Variants in PARD6B observed in about 807,000 individuals in gnomAD.
PARD6B encodes the protein par-6 family cell polarity regulator beta.
Under a neutral mutation model 10.5 loss-of-function variants are expected in PARD6B, and 4 were observed. The ratio of observed to expected loss-of-function variants is 0.38; its 90% CI spans 0.19 to 0.87. The LOEUF (loss-of-function observed/expected upper bound fraction) is 0.87. Ranked by LOEUF, PARD6B falls within the 40% of genes least tolerant of loss-of-function variation. PARD6B has a pLI of 0.41. For missense variants in PARD6B, 396 were observed against 470.6 expected (o/e 0.84, Z 1.47); for synonymous variants, 169 against 170.4 (o/e 0.99, Z 0.07).
Position 50,750,251 on chromosome 20 carries a change from T to C in PARD6B, c.882T>C (p.Asp294=). 1.2e-6 allele frequency: 2 copies of C among 1,614,184 alleles called. No homozygotes were observed. The highest frequency in any genetic ancestry group is 1.7e-6 in the Non-Finnish European group (2 of 1,180,038). ...FEPEDEDSEE[D]DIIIEDNGVP... ...CAGAGGATGAAGACAGCGAAGAAGA[T>C]GACATTATCATTGAAGACAATGGAG... Residue 294 remains aspartate (D), a synonymous_variant, in exon 3 of 3, where the codon GAT becomes GAC. Coordinates refer to ENST00000371610, the MANE Select transcript of PARD6B (RefSeq NM_032521.3).
chr20:50,743,936 C>T (rs2123704670), intron 2 of PARD6B, among the ~76,000 whole-genome samples: 1 of 151,060 alleles, frequency 6.6e-6, no homozygotes, highest in East Asian at 1.9e-4. Flanking sequence ...CAGTATGTGA[C>T]ACCAGTTACT....
chr20:50,746,041 G>A (rs1043292972), intron 2 of PARD6B, among the ~76,000 whole-genome samples: 1 of 151,968 alleles, frequency 6.6e-6, no homozygotes, highest in Non-Finnish European at 1.5e-5. Context: ...TACTGTATGG[G>A]GATACTGATG....
intron 2 of PARD6B, among the ~76,000 whole-genome samples, chr20:50,741,838 G>A (rs573724859): frequency 4.6e-5 from 7 of 152,044 alleles, no homozygotes; most frequent in Non-Finnish European, 7.4e-5. Flanking sequence ...GAGCCACCGC[G>A]CCCGGCCGCA....
At position 50,752,382 on chromosome 20, in the gene PARD6B, C is replaced by T. The variant is rs6096081; in HGVS notation, c.*1894C>T. The T allele has an allele frequency of 2.0e-6, 2 of 985,400 alleles. No individual in the cohort carries two copies. Among genetic ancestry groups the T allele is most frequent in the African/African-American group, 1.8e-5 (1 of 57,126 alleles). 61.0% of individuals were successfully genotyped at this position (985,400 alleles called of 1,614,324 possible). A position where few individuals can be genotyped will look rare whatever the true frequency, so the allele number is the denominator to read the frequency against. On this transcript the variant is annotated 3_prime_UTR_variant, in exon 3 of 3. Coordinates refer to ENST00000371610, the MANE Select transcript of PARD6B (RefSeq NM_032521.3). ...TTCATGGGATTTCTAGAAACACTGC[C>T]TACACTTTATGAAAACTACATAGTA... is the stretch of plus-strand genomic sequence containing the variant.
intron 2 of PARD6B, among the ~76,000 whole-genome samples, chr20:50,746,117 C>G (rs771147472): frequency 6.0e-5 from 9 of 149,008 alleles, no homozygotes; most frequent in Non-Finnish European, 1.2e-4. Context: ...GCTTTTATGT[C>G]TTACATCTGC....
At chr20:50,738,993 T>C (rs1273106335) in intron 2 of PARD6B, among the ~76,000 whole-genome samples, 1 of 151,222 alleles carries the variant, frequency 6.6e-6, no homozygotes, top group African/African-American at 2.4e-5. Flanking sequence ...TGTGTATGTA[T>C]GTGTGTCTGC....
rs1303195229 is a variant in PARD6B, at chr20:50,751,390, C to T, written c.*902C>T. On this transcript the variant is annotated 3_prime_UTR_variant, in exon 3 of 3. Coordinates refer to ENST00000371610, the MANE Select transcript of PARD6B (RefSeq NM_032521.3). ...TTTTTTTTTGAGATGGAGTCTCGCT[C>T]TATCGCCCAGGCTGGAGTGCAGTGG... 1.2e-6 allele frequency: 1 copy of T among 829,582 alleles called. No homozygotes were observed. Among genetic ancestry groups the T allele is most frequent in the Non-Finnish European group, 1.4e-6 (1 of 717,530 alleles). 51.4% of individuals were successfully genotyped at this position (829,582 alleles called of 1,614,324 possible). A position where few individuals can be genotyped will look rare whatever the true frequency, so the allele number is the denominator to read the frequency against.
rs1232827863 is a variant in PARD6B, at chr20:50,750,905, T to C, written c.*417T>C. The C allele has an allele frequency of 1.0e-5, 10 of 983,512 alleles. No homozygotes were observed. The South Asian group carries it at 4.2e-4, about 41-fold the overall frequency. 60.9% of individuals were successfully genotyped at this position (983,512 alleles called of 1,614,324 possible). ...AAGTCTGATTCTCTCTTGTGGTACA[T>C]TGGGGACCTCAGCTCTTAAAGGTCT... On this transcript the variant is annotated 3_prime_UTR_variant, in exon 3 of 3. Coordinates refer to ENST00000371610, the MANE Select transcript of PARD6B (RefSeq NM_032521.3).
Position 50,750,948 on chromosome 20 carries a change from ATTTTGATTTTTTTTTTTTTTTT to A in PARD6B, c.*465_*486del. ...AAAGGTCTCATGTTCCCAATATTTT[ATTTTGATTTTTTTTTTTTTTTT>A]TTTTTTTTTTTTTTTTAGTGACTGG... is the stretch of plus-strand genomic sequence containing the variant. On this transcript the variant is annotated 3_prime_UTR_variant, in exon 3 of 3. Transcript: ENST00000371610. 1 of 315,508 alleles carries A rather than the reference ATTTTGATTTTTTTTTTTTTTTT, an allele frequency of 3.2e-6. No individual in the cohort carries two copies. Among genetic ancestry groups the A allele is most frequent in the Non-Finnish European group, 3.8e-6 (1 of 265,892 alleles). The allele number at this position is 315,508 out of a possible 1,614,324, so 19.5% of individuals were successfully genotyped here.
chr20:50,732,066 A>G (rs2087474558), intron 1 of PARD6B, among the ~76,000 whole-genome samples: 1 of 152,266 alleles, frequency 6.6e-6, no homozygotes, highest in Admixed American at 6.5e-5. Flanking sequence ...GGCAGGAAGA[A>G]GACCTAGTCC....
rs1196460991 is a variant in PARD6B, at chr20:50,750,730, T to G, written c.*242T>G. 4 of 1,278,550 alleles carry G rather than the reference T, an allele frequency of 3.1e-6. No individual in the cohort carries two copies. Among genetic ancestry groups the G allele is most frequent in the Non-Finnish European group, 4.0e-6 (4 of 1,010,120 alleles). The allele number at this position is 1,278,550 out of a possible 1,614,324, so 79.2% of individuals were successfully genotyped here. A position where few individuals can be genotyped will look rare whatever the true frequency, so the allele number is the denominator to read the frequency against. On this transcript the variant is annotated 3_prime_UTR_variant, in exon 3 of 3. Coordinates refer to ENST00000371610, the MANE Select transcript of PARD6B (RefSeq NM_032521.3). ...CTGATGAAGTTACGTGCTTTTGCTG[T>G]TTTGTCTGTGGAGAATCAGATGTTA... is the stretch of plus-strand genomic sequence containing the variant.
Position 50,750,110 on chromosome 20 carries a change from A to C in PARD6B, c.741A>C (p.Arg247Ser). The C allele has an allele frequency of 6.2e-7, 1 of 1,614,218 alleles. No homozygotes were observed. The highest frequency in any genetic ancestry group is 1.1e-5 in the South Asian group (1 of 91,088). Reference protein sequence around the residue: ...ANSRNLIITVRPANQRNNVVR... With the variant: ...ANSRNLIITVSPANQRNNVVR... ...GCCGTAACCTCATCATAACAGTGAG[A>C]CCGGCAAACCAGAGGAATAATGTTG... Residue 247 changes from arginine (R) to serine (S), a missense_variant, in exon 3 of 3, where the codon AGA (arginine) becomes AGC (serine). Coordinates refer to ENST00000371610, the MANE Select transcript of PARD6B (RefSeq NM_032521.3).
At chr20:50,738,118 A>G (rs751688707) in intron 2 of PARD6B, 39 bp downstream of exon 2, 4 of 1,463,124 alleles carry the variant, frequency 2.7e-6, no homozygotes, top group African/African-American at 1.4e-5. Flanking sequence ...TTAGAAATAG[A>G]AATAGTGTAT....
Position 50,739,496 on chromosome 20 carries a change from G to A in PARD6B, c.289+1417G>A, listed in dbSNP as rs114083148. On this transcript the variant is annotated intron_variant, in intron 2 of 2. Transcript: ENST00000371610. ...AGAATGGGTGGGGATTATCTTTGAA[G>A]GTGAAAACTATTTCTAATCAGTTGA... Among the ~76,000 whole-genome samples the A allele has an allele frequency of 6.8e-3, 1,030 of 152,118 alleles. 11 individuals carry two copies. The highest frequency in any genetic ancestry group is 0.024 in the African/African-American group (982 of 41,490).
At chr20:50,747,607 G>A (rs1344371344) in intron 2 of PARD6B, among the ~76,000 whole-genome samples, 1 of 138,098 alleles carries the variant, frequency 7.2e-6, no homozygotes, top group Non-Finnish European at 1.6e-5. Context: ...TATCCTCATT[G>A]TAGTTATTTT....
At chr20:50,741,708 ATT>A (rs369379470) in intron 2 of PARD6B, among the ~76,000 whole-genome samples, 1 of 146,514 alleles carries the variant, frequency 6.8e-6, no homozygotes, top group Non-Finnish European at 1.5e-5. Flanking sequence ...CACCCGGCTA[ATT>A]TTTTTTTTTG....
intron 2 of PARD6B, among the ~76,000 whole-genome samples, chr20:50,744,430 T>G (rs1339421349): frequency 6.6e-6 from 1 of 152,198 alleles, no homozygotes; most frequent in Non-Finnish European, 1.5e-5. Flanking sequence ...AGTAGCTTCT[T>G]GTCCTCCCCC....
chr20:50,739,680 T>G (rs1044586301), intron 2 of PARD6B, among the ~76,000 whole-genome samples: 1 of 152,020 alleles, frequency 6.6e-6, no homozygotes, highest in African/African-American at 2.4e-5. Flanking sequence ...CACACACAAA[T>G]TAATGTTCCC....
chr20:50,734,615 C>T (rs879880527), intron 1 of PARD6B, among the ~76,000 whole-genome samples: 79 of 152,242 alleles, frequency 5.2e-4, no homozygotes, highest in Non-Finnish European at 8.4e-4. Flanking sequence ...CCGTCTCTAC[C>T]TCTCAAAGTA....
Sources: gnomAD v4.1 joint callset for allele counts (sites outside exome capture counted in the v4.1 genomes callset) on GRCh38, gnomAD v4.1.1 for gene constraint, MANE v1.5 for transcripts, NCBI Gene and HGNC (gene_info 2026-07-23, HGNC 2026-07-21) for gene names.